GPX5: variants seen among roughly 807,000 people sequenced by gnomAD.
GPX5 encodes epididymal secretory glutathione peroxidase.
In GPX5, 20 loss-of-function variants were observed where a neutral mutation model predicts 23.8. The observed-to-expected ratio is 0.84, with a 90% CI of 0.59 to 1.22. The LOEUF (loss-of-function observed/expected upper bound fraction) is 1.22. GPX5 is among the 50% of genes most tolerant of loss of function. GPX5 has a pLI of 0.00. For synonymous variants in GPX5, 92 were observed against 99.5 expected (o/e 0.92, Z 0.45); for missense variants, 230 against 266.6 (o/e 0.86, Z 0.96).
intron 4 of GPX5, 151 bp downstream of exon 4, chr6:28,532,571 T>G: frequency 1.7e-6 from 1 of 595,218 alleles, no homozygotes; most frequent in Non-Finnish European, 2.9e-6. Context: ...ACATTGCACA[T>G]GCTGATCTGG....
intron 2 of GPX5, among the ~76,000 whole-genome samples, 199 bp from the exon 3 acceptor site, chr6:28,531,579 A>T (rs1321575102): frequency 6.6e-6 from 1 of 152,070 alleles, no homozygotes; most frequent in Non-Finnish European, 1.5e-5. Context: ...ACACTGCACC[A>T]TGACAAAGGG....
At chr6:28,529,047 C>T (rs1482253693) in intron 1 of GPX5, among the ~76,000 whole-genome samples, 2 of 151,584 alleles carry the variant, frequency 1.3e-5, no homozygotes, top group Non-Finnish European at 2.9e-5. Context: ...TATAGTCACC[C>T]TGTTGTGCTA....
intron 1 of GPX5, chr6:28,528,100 T>C (rs943211532): frequency 6.6e-6 from 1 of 152,218 alleles, no homozygotes; most frequent in Non-Finnish European, 1.5e-5. Flanking sequence ...AGCTGGGTGA[T>C]GCTGCCCAAC....
At position 28,532,447 on chromosome 6, in the gene GPX5, C is replaced by T. The variant is rs368538290; in HGVS notation, c.459+27C>T. The T allele has an allele frequency of 3.0e-5, 41 of 1,351,348 alleles. No individual in the cohort carries two copies. The African/African-American group carries it at 5.1e-4, about 17-fold the overall frequency. The allele number at this position is 1,351,348 out of a possible 1,614,324, so 83.7% of individuals were successfully genotyped here. A position where few individuals can be genotyped will look rare whatever the true frequency, so the allele number is the denominator to read the frequency against. On this transcript the variant is annotated intron_variant, in intron 4 of 4. Transcript: ENST00000412168. ...TGAGTAAATTCCTGGCATAAGCCTC[C>T]TCCTCTTTTCTAATATTGCTAACAT...
chr6:28,531,136 T>G (rs937984807), intron 2 of GPX5, among the ~76,000 whole-genome samples: 1 of 149,894 alleles, frequency 6.7e-6, no homozygotes, highest in African/African-American at 2.5e-5. Flanking sequence ...TCCACTCCAC[T>G]CAGGGTGAGC....
At chr6:28,533,731 GT>G (rs1281867923) in intron 4 of GPX5, among the ~76,000 whole-genome samples, 2 of 152,134 alleles carry the variant, frequency 1.3e-5, no homozygotes, top group African/African-American at 2.4e-5. Flanking sequence ...GCAAAATTTT[GT>G]TATGGGGCTA....
chr6:28,529,567 CGTGGCCACCTACT>C lies in GPX5; in HGVS notation c.209_221del (p.Ala70ValfsTer2). The C allele has an allele frequency of 6.2e-7, 1 of 1,612,158 alleles. No homozygotes were observed. Among genetic ancestry groups the C allele is most frequent in the Non-Finnish European group, 8.5e-7 (1 of 1,178,678 alleles). ...TGGGCAAGCACATCCTCTTCGTCAA[CGTGGCCACCTACT>C]GTGGTCTGACAGCGCAATATCCTGG... On this transcript the variant is annotated frameshift_variant, in exon 2 of 5. Transcript: ENST00000412168. LOFTEE classifies it high-confidence loss of function.
At chr6:28,531,734 C>A in intron 2 of GPX5, 44 bp from the exon 3 acceptor site, 1 of 1,279,538 alleles carries the variant, frequency 7.8e-7, no homozygotes, top group Non-Finnish European at 1.1e-6. Context: ...TTGCACAAGG[C>A]AGAACCTCTA....
chr6:28,527,011 A>G (rs1763220549), intron 1 of GPX5: 1 of 152,254 alleles, frequency 6.6e-6, no homozygotes, highest in Non-Finnish European at 1.5e-5. Context: ...GAGAATTGAT[A>G]TGGTTTTTAT....
In GPX5 at chr6:28,529,602, C is replaced by T. The variant is rs1308994203; in HGVS notation, c.239C>T (p.Pro80Leu). Residue 80 changes from proline to leucine, a missense_variant and splice_region_variant, in exon 2 of 5, where the codon CCT becomes CTT. By Grantham distance (98) the Pro-to-Leu change is moderately conservative. Coordinates refer to ENST00000412168, the MANE Select transcript of GPX5 (RefSeq NM_001509.3). ...TACTGTGGTCTGACAGCGCAATATC[C>T]TGGTAAGAGAATTCATAGTTACTTC... Reference protein sequence around the residue: ...ATYCGLTAQYPELNALQEELK... With the variant: ...ATYCGLTAQYLELNALQEELK... 6.3e-7 allele frequency: 1 copy of T among 1,597,892 alleles called. No homozygotes were observed. Among genetic ancestry groups the T allele is most frequent in the Non-Finnish European group, 8.5e-7 (1 of 1,171,528 alleles).
intron 3 of GPX5, 117 bp downstream of exon 3, chr6:28,532,012 T>G (rs143801843): frequency 6.4e-6 from 5 of 780,614 alleles, no homozygotes; most frequent in South Asian, 2.9e-5. Context: ...TCAGGGGCAT[T>G]ACAAGCAGAG....
rs183713831 is a variant in GPX5 at position 28,525,887 on chromosome 6, C to G, written c.-127C>G. On this transcript the variant is annotated 5_prime_UTR_variant, in exon 1 of 5. Coordinates refer to ENST00000412168, the MANE Select transcript of GPX5 (RefSeq NM_001509.3). ...TGATCCTCACCCCGACCTCATGCGT[C>G]GGGAATCCTTGCAGCCCTGTGACTG... 4.1e-6 allele frequency: 3 copies of G among 725,032 alleles called. No individual in the cohort carries two copies. Among genetic ancestry groups the G allele is most frequent in the Non-Finnish European group, 7.5e-6 (3 of 401,214 alleles). The allele number at this position is 725,032 out of a possible 1,614,324, so 44.9% of individuals were successfully genotyped here.
rs943282155 is a variant in GPX5 at position 28,534,248 on chromosome 6, C to T, written c.*81C>T. ...CCCACCCCTCCAAAAAAAAGGAATA[C>T]CCATCTTCTCACCACACTCTCTTCC... On this transcript the variant is annotated 3_prime_UTR_variant, in exon 5 of 5. Coordinates refer to ENST00000412168, the MANE Select transcript of GPX5 (RefSeq NM_001509.3). 17 of 983,080 alleles carry T rather than the reference C, an allele frequency of 1.7e-5. No individual in the cohort carries two copies. In the African/African-American group the frequency reaches 2.3e-4, roughly 13 times the overall value. 60.9% of individuals were successfully genotyped at this position (983,080 alleles called of 1,614,324 possible). A position where few individuals can be genotyped will look rare whatever the true frequency, so the allele number is the denominator to read the frequency against.
Position 28,534,482 on chromosome 6 carries a change from C to A in GPX5, c.*315C>A. On this transcript the variant is annotated 3_prime_UTR_variant, in exon 5 of 5. Transcript: ENST00000412168. ...CCAGAGGGAAATCATCCTTCCACGA[C>A]AATGGTTCAGTCGGCCATCACATCC... 3.7e-6 allele frequency: 1 copy of A among 272,386 alleles called. No individual in the cohort carries two copies. Among genetic ancestry groups the A allele is most frequent in the African/African-American group, 2.2e-5 (1 of 45,838 alleles). The allele number at this position is 272,386 out of a possible 1,614,324, so 16.9% of individuals were successfully genotyped here.
At chr6:28,526,121 G>A in intron 1 of GPX5, 21 bp downstream of exon 1, 2 of 1,569,840 alleles carry the variant, frequency 1.3e-6, no homozygotes, top group South Asian at 2.2e-5. Context: ...TTCAGAGAGG[G>A]CATGGTAGTT....
chr6:28,531,696 TA>T, intron 2 of GPX5, 81 bp from the exon 3 acceptor site: 2 of 877,678 alleles, frequency 2.3e-6, no homozygotes, highest in Non-Finnish European at 1.8e-6. Flanking sequence ...TCCTTCTCTG[TA>T]AAATGGGTAA....
chr6:28,531,389 A>AAAAAGAAAAGAAAAGAAAAG (rs1207321045), intron 2 of GPX5, among the ~76,000 whole-genome samples: 1 of 69,554 alleles, frequency 1.4e-5, no homozygotes, highest in Non-Finnish European at 2.7e-5. Flanking sequence ...AAAAAAAAAA[A>AAAAAGAAAAGAAAAGAAAAG]AAAAGAAAAG....
chr6:28,534,233 C>A lies in GPX5; in HGVS notation c.*66C>A. On this transcript the variant is annotated 3_prime_UTR_variant, in exon 5 of 5. Transcript: ENST00000412168. ...TAATGACTTGCTCTCCCCACCCCTC[C>A]AAAAAAAAGGAATACCCATCTTCTC... 2 of 1,185,036 alleles carry A rather than the reference C, an allele frequency of 1.7e-6. No homozygotes were observed. The highest frequency in any genetic ancestry group is 2.3e-6 in the Non-Finnish European group (2 of 857,000). The allele number at this position is 1,185,036 out of a possible 1,614,324, so 73.4% of individuals were successfully genotyped here.
At chr6:28,530,486 C>T (rs1763292580) in intron 2 of GPX5, among the ~76,000 whole-genome samples, 1 of 152,088 alleles carries the variant, frequency 6.6e-6, no homozygotes, top group Non-Finnish European at 1.5e-5. Flanking sequence ...CAAAGGTTTC[C>T]ACCTTCTTCC....
Sources: allele counts gnomAD v4.1 joint callset (sites outside exome capture counted in the v4.1 genomes callset), GRCh38; gene constraint gnomAD v4.1.1; transcripts MANE v1.5; gene names NCBI Gene and HGNC (gene_info 2026-07-23, HGNC 2026-07-21).